Variants in CSMD1 observed in about 807,000 individuals in gnomAD.
The protein encoded by CSMD1 is CUB and sushi domain-containing protein 1.
Under a neutral mutation model 417.5 loss-of-function variants are expected in CSMD1, and 213 were observed. That is an observed-to-expected ratio of 0.51 (90% CI 0.46 to 0.57). The LOEUF (loss-of-function observed/expected upper bound fraction) is 0.57. CSMD1 is among the 20% of genes least tolerant of loss of function. The probability of loss-of-function intolerance (pLI) is 0.00; values close to 1 mark genes in which losing one functional copy is unlikely to be tolerated. For synonymous variants in CSMD1, 2,862 were observed against 1,736.8 expected, an observed-to-expected ratio of 1.65 and a Z score of -16.11; for missense variants, 6,923 against 4,529.7, an observed-to-expected ratio of 1.53 and a Z score of -15.17.
At chr8:3,529,377 T>C (rs929694847) in intron 10 of CSMD1, among the ~76,000 whole-genome samples, 1 of 152,166 alleles carries the variant, frequency 6.6e-6, no homozygotes, top group African/African-American at 2.4e-5. Context: ...TAACTCCCTC[T>C]TAAAATAATT....
chr8:4,291,288 A>G (rs1324279547), intron 3 of CSMD1, among the ~76,000 whole-genome samples: 1 of 152,130 alleles, frequency 6.6e-6, no homozygotes, highest in Non-Finnish European at 1.5e-5. Flanking sequence ...ATATGGATTA[A>G]AAGTCAAGAT....
At chr8:3,545,240 G>A (rs1461888983) in intron 10 of CSMD1, among the ~76,000 whole-genome samples, 4 of 152,278 alleles carry the variant, frequency 2.6e-5, no homozygotes, top group Middle Eastern at 3.4e-3. Context: ...ATATATGTAT[G>A]TGTCTATGAA....
intron 5 of CSMD1, among the ~76,000 whole-genome samples, chr8:3,847,192 G>A (rs1046734776): frequency 6.6e-6 from 1 of 152,090 alleles, no homozygotes; most frequent in African/African-American, 2.4e-5. Context: ...GTGGCGCGGT[G>A]TCACTCTTAC....
chr8:4,653,237 A>T (rs374104639), intron 1 of CSMD1, among the ~76,000 whole-genome samples: 1 of 152,134 alleles, frequency 6.6e-6, no homozygotes, highest in African/African-American at 2.4e-5. Flanking sequence ...CATCTATACA[A>T]ATCGGGCTCC....
At chr8:4,251,916 G>C (rs1206957933) in intron 3 of CSMD1, among the ~76,000 whole-genome samples, 1 of 151,332 alleles carries the variant, frequency 6.6e-6, no homozygotes, top group Non-Finnish European at 1.5e-5. Flanking sequence ...AGGATAATGT[G>C]GGAATGGGAA....
chr8:2,960,060 T>G (rs1371951241), intron 62 of CSMD1, among the ~76,000 whole-genome samples: 1 of 152,178 alleles, frequency 6.6e-6, no homozygotes, highest in African/African-American at 2.4e-5. Flanking sequence ...TTACTGTAAG[T>G]TGTACATAGG....
chr8:4,104,764 T>G (rs965170232), intron 3 of CSMD1, among the ~76,000 whole-genome samples: 1 of 152,312 alleles, frequency 6.6e-6, no homozygotes, highest in Admixed American at 6.5e-5. Flanking sequence ...AATCCGGCTT[T>G]CCGTTTCCCA....
chr8:4,819,953 C>G (rs1037350613), intron 1 of CSMD1, among the ~76,000 whole-genome samples: 1 of 152,292 alleles, frequency 6.6e-6, no homozygotes, highest in South Asian at 2.1e-4. Flanking sequence ...ATCTACTTAT[C>G]AATCAACTAA....
chr8:4,117,841 A>G (rs1802247212), intron 3 of CSMD1, among the ~76,000 whole-genome samples: 1 of 152,124 alleles, frequency 6.6e-6, no homozygotes, highest in African/African-American at 2.4e-5. Context: ...TCACTTTCCA[A>G]ACAAAAGACA....
At chr8:3,095,175 A>G (rs1026893546) in intron 47 of CSMD1, among the ~76,000 whole-genome samples, 1 of 152,224 alleles carries the variant, frequency 6.6e-6, no homozygotes, top group African/African-American at 2.4e-5. Context: ...AAGAACATGC[A>G]TAAGTTCAAA....
chr8:4,190,601 T>C (rs6993215), intron 3 of CSMD1, among the ~76,000 whole-genome samples: 111,927 of 151,022 alleles, frequency 0.74, 42,520 homozygotes, highest in South Asian at 0.86. Flanking sequence ...TATAACGATG[T>C]GGAATGGAAG....
intron 3 of CSMD1, among the ~76,000 whole-genome samples, chr8:4,070,568 A>G (rs978336402): frequency 2.6e-5 from 4 of 152,142 alleles, no homozygotes; most frequent in East Asian, 1.9e-4. Context: ...CGTGTTAGCC[A>G]GGATGGTCTC....
intron 2 of CSMD1, among the ~76,000 whole-genome samples, chr8:4,572,100 C>A (rs945339861): frequency 1.3e-5 from 2 of 152,192 alleles, no homozygotes; most frequent in African/African-American, 4.8e-5. Context: ...TTAATTGGGG[C>A]ATTTAGCCCA....
chr8:3,148,859 A>G (rs1467158121), intron 40 of CSMD1, among the ~76,000 whole-genome samples: 1 of 152,218 alleles, frequency 6.6e-6, no homozygotes, highest in African/African-American at 2.4e-5. Context: ...AGAATTTATC[A>G]CAGGCAAACC....
At chr8:4,936,912 T>C (rs1415894022) in intron 1 of CSMD1, among the ~76,000 whole-genome samples, 2 of 152,256 alleles carry the variant, frequency 1.3e-5, no homozygotes, top group East Asian at 3.8e-4. Context: ...TTTATTTTCT[T>C]TAAATGTTAT....
intron 7 of CSMD1, among the ~76,000 whole-genome samples, chr8:3,702,515 A>G (rs1800927761): frequency 6.6e-6 from 1 of 152,214 alleles, no homozygotes; most frequent in African/African-American, 2.4e-5. Flanking sequence ...AAGAAATGAC[A>G]GGTACTGTTA....
At chr8:3,520,039 T>TATATAC (rs545212684) in intron 10 of CSMD1, among the ~76,000 whole-genome samples, 24 of 147,178 alleles carry the variant, frequency 1.6e-4, no homozygotes, top group South Asian at 4.3e-4. Context: ...TATATATATA[T>TATATAC]ACACGTATAG....
intron 3 of CSMD1, among the ~76,000 whole-genome samples, chr8:4,196,610 T>C (rs1256135000): frequency 6.6e-6 from 1 of 152,210 alleles, no homozygotes; most frequent in Non-Finnish European, 1.5e-5. Flanking sequence ...TCTTTGTGAA[T>C]CTTCAAGGCC....
intron 1 of CSMD1, among the ~76,000 whole-genome samples, chr8:4,963,118 T>C (rs374686079): frequency 7.9e-5 from 12 of 152,214 alleles, no homozygotes; most frequent in African/African-American, 2.4e-4. Flanking sequence ...TTATTTCCCA[T>C]GGGTGGCCCT....
Sources: gnomAD v4.1 joint callset for allele counts (sites outside exome capture counted in the v4.1 genomes callset) on GRCh38, gnomAD v4.1.1 for gene constraint, MANE v1.5 for transcripts, NCBI Gene and HGNC (gene_info 2026-07-23, HGNC 2026-07-21) for gene names.